LAMA2: variants seen among roughly 807,000 people sequenced by gnomAD.
LAMA2 encodes the protein laminin subunit alpha-2.
LAMA2 carries 269 observed loss-of-function variants against 364.8 expected under a neutral mutation model. The observed-to-expected ratio is 0.74, with a 90% confidence interval of 0.67 to 0.82. The LOEUF (loss-of-function observed/expected upper bound fraction) is 0.82, where lower values mean the gene tolerates loss of function less well. Ranked by LOEUF, LAMA2 falls within the 40% of genes least tolerant of loss-of-function variation. The pLI, the probability that LAMA2 is intolerant of heterozygous loss-of-function variation, is 0.00. For missense variants in LAMA2, 3,807 were observed against 3,873.2 expected, an observed-to-expected ratio of 0.98 and a Z score of 0.45; for synonymous variants, 1,379 against 1,370.6, an observed-to-expected ratio of 1.01 and a Z score of -0.14.
In LAMA2 at chr6:129,112,322, C is replaced by T. The variant is rs1037147357; in HGVS notation, c.639+13907C>T. 3.3e-5 allele frequency among the ~76,000 whole-genome samples: 5 copies of T among 151,896 alleles called. 1 individual carries two copies. The highest frequency in any genetic ancestry group is 6.4e-3 in the Middle Eastern group (2 of 314). On this transcript the variant is annotated intron_variant, in intron 4 of 64. Coordinates refer to ENST00000421865, the MANE Select transcript of LAMA2 (RefSeq NM_000426.4). ...TTATTTCAGTTAAAGACATTTTTCTCTTCCATTATTTCAATTTGTTACATT... is the reference window on the plus strand; with the variant it reads ...TTATTTCAGTTAAAGACATTTTTCTTTTCCATTATTTCAATTTGTTACATT...
intron 30 of LAMA2, among the ~76,000 whole-genome samples, chr6:129,347,223 G>A (rs1321514242): frequency 4.6e-5 from 7 of 152,212 alleles, no homozygotes; most frequent in East Asian, 3.9e-4. Context: ...GAGGAGACAC[G>A]GTTGACACCA....
intron 49 of LAMA2, among the ~76,000 whole-genome samples, chr6:129,461,274 A>G (rs1783242729): frequency 2.0e-5 from 3 of 152,036 alleles, no homozygotes. Context: ...CTAGCAAAGT[A>G]CACTTCACAT....
intron 8 of LAMA2, among the ~76,000 whole-genome samples, chr6:129,162,894 G>A (rs77348302): frequency 3.3e-5 from 5 of 150,866 alleles, no homozygotes; most frequent in East Asian, 1.9e-4. Context: ...GAACTAGGAG[G>A]GGGGGGAAGA....
intron 30 of LAMA2, among the ~76,000 whole-genome samples, chr6:129,345,304 G>T (rs1776484674): frequency 1.3e-5 from 2 of 152,208 alleles, no homozygotes; most frequent in African/African-American, 2.4e-5. Flanking sequence ...ATACCTAAAA[G>T]GTAACTTGAC....
intron 9 of LAMA2, among the ~76,000 whole-genome samples, chr6:129,173,957 A>G (rs1280248828): frequency 6.6e-6 from 1 of 152,142 alleles, no homozygotes; most frequent in African/African-American, 2.4e-5. Context: ...AAAAACAGTG[A>G]TAGTATATCA....
intron 29 of LAMA2, among the ~76,000 whole-genome samples, chr6:129,329,077 C>T (rs1037914868): frequency 6.6e-6 from 1 of 152,220 alleles, no homozygotes; most frequent in South Asian, 2.1e-4. Flanking sequence ...GTGTTCCACC[C>T]TTTTTATCGT....
Position 129,050,054 on chromosome 6 carries a change from T to C in LAMA2, c.249T>C (p.Cys83=). The change falls in exon 2 of 65, where the codon TGT becomes TGC. Residue 83 remains cysteine (C), a synonymous_variant. Coordinates refer to ENST00000421865, the MANE Select transcript of LAMA2 (RefSeq NM_000426.4). ...VPGQPVRNPQ[C]RICNQNSSNP... Reference sequence around the variant, plus strand: ...GGCAGCCTGTGAGGAACCCGCAGTGTCGAATCTGCAATCAAAACAGCAGCA... The same window carrying C: ...GGCAGCCTGTGAGGAACCCGCAGTGCCGAATCTGCAATCAAAACAGCAGCA... 1 of 1,614,178 alleles carries C rather than the reference T, an allele frequency of 6.2e-7. No homozygotes were observed. The highest frequency in any genetic ancestry group is 8.5e-7 in the Non-Finnish European group (1 of 1,180,038).
intron 1 of LAMA2, among the ~76,000 whole-genome samples, chr6:129,019,925 A>G (rs1229514962): frequency 1.3e-5 from 2 of 152,012 alleles, no homozygotes; most frequent in Non-Finnish European, 2.9e-5. Flanking sequence ...TCTCTACTAA[A>G]AGTACCAAAA....
intron 3 of LAMA2, among the ~76,000 whole-genome samples, chr6:129,070,780 G>T (rs945417628): frequency 6.6e-6 from 1 of 152,064 alleles, no homozygotes; most frequent in Non-Finnish European, 1.5e-5. Context: ...AAGTTTTGAC[G>T]TTTTGTCTAG....
At chr6:129,504,046 G>GT (rs532058818) in intron 60 of LAMA2, among the ~76,000 whole-genome samples, 535 of 152,256 alleles carry the variant, frequency 3.5e-3, no homozygotes, top group South Asian at 8.9e-3. Flanking sequence ...GCTTCCCTAG[G>GT]TAGACCAATA....
intron 1 of LAMA2, among the ~76,000 whole-genome samples, chr6:129,030,674 A>C (rs1786160131): frequency 6.6e-6 from 1 of 152,164 alleles, no homozygotes; most frequent in Admixed American, 6.5e-5. Flanking sequence ...TGACAAAGAA[A>C]GGCTTATGGT....
At chr6:128,883,539 G>T (rs1400142190) in intron 1 of LAMA2, among the ~76,000 whole-genome samples, 182 bp downstream of exon 1, 1 of 152,198 alleles carries the variant, frequency 6.6e-6, no homozygotes, top group African/African-American at 2.4e-5. Flanking sequence ...CGTAGTGTAG[G>T]GGGAATTACC....
chr6:129,378,071 G>A lies in LAMA2; in HGVS notation c.4960-5051G>A, dbSNP rs532229483. On this transcript the variant is annotated intron_variant, in intron 34 of 64. Transcript: ENST00000421865. ...ACTGTGTAAGGCATCATTTACAAAG[G>A]AACACTGTAAAGATTGCAGAATAGA... 3.3e-4 allele frequency among the ~76,000 whole-genome samples: 50 copies of A among 152,130 alleles called. No individual in the cohort carries two copies. The South Asian group carries it at 1.0e-2, about 30-fold the overall frequency.
At chr6:129,260,846 TAGTGCTTTCAAAGTTCC>T in intron 15 of LAMA2, 24 bp downstream of exon 15, 2 of 1,381,072 alleles carry the variant, frequency 1.4e-6, no homozygotes, top group Non-Finnish European at 2.1e-6. Context: ...AATGTATCCT[TAGTGCTTTCAAAGTTCC>T]CTCAACATTG....
intron 1 of LAMA2, among the ~76,000 whole-genome samples, chr6:128,952,167 G>A (rs554865946): frequency 6.6e-6 from 1 of 151,674 alleles, no homozygotes; most frequent in African/African-American, 2.4e-5. Flanking sequence ...ACCCTGTCTT[G>A]AAAAAAGAAA....
chr6:129,248,490 G>C (rs1785932323), intron 12 of LAMA2, among the ~76,000 whole-genome samples: 1 of 151,994 alleles, frequency 6.6e-6, no homozygotes, highest in Non-Finnish European at 1.5e-5. Flanking sequence ...TTTTATTTGA[G>C]CATATGTGGT....
rs1278823424 is a variant in LAMA2, at chr6:129,270,623, G to T, written c.2323-1G>T. 4 of 1,612,712 alleles carry T rather than the reference G, an allele frequency of 2.5e-6. No individual in the cohort carries two copies. Among genetic ancestry groups the T allele is most frequent in the Non-Finnish European group, 8.5e-7 (1 of 1,179,256 alleles). ...AACTCTGATGCTCATTTCTTTCTCA[G>T]AACTGTAAGGATCACACAGGTGGCC... On this transcript the variant is annotated splice_acceptor_variant, in intron 16 of 64. Transcript: ENST00000421865. LOFTEE classifies it high-confidence loss of function.
chr6:129,004,869 C>G (rs1784347010), intron 1 of LAMA2, among the ~76,000 whole-genome samples: 1 of 151,926 alleles, frequency 6.6e-6, no homozygotes, highest in Admixed American at 6.6e-5. Flanking sequence ...TTTCATAAAA[C>G]ACTTTTCAGG....
Position 129,177,689 on chromosome 6 carries a change from G to A in LAMA2, c.1307-17G>A. On this transcript the variant is annotated splice_polypyrimidine_tract_variant and intron_variant, in intron 9 of 64. Coordinates refer to ENST00000421865, the MANE Select transcript of LAMA2 (RefSeq NM_000426.4). The stretch of plus-strand genomic sequence containing the variant: ...ACTTGTTTTAGAAATGTTGATATGT[G>A]GCTCATCTTTCTTTAGGTTTGGCAC... 6.2e-7 allele frequency: 1 copy of A among 1,613,046 alleles called. No individual in the cohort carries two copies. Among genetic ancestry groups the A allele is most frequent in the Non-Finnish European group, 8.5e-7 (1 of 1,179,192 alleles).
Sources: allele counts gnomAD v4.1 joint callset (sites outside exome capture counted in the v4.1 genomes callset), GRCh38; gene constraint gnomAD v4.1.1; transcripts MANE v1.5; gene names NCBI Gene and HGNC (gene_info 2026-07-23, HGNC 2026-07-21).